The following ATPAF1 variants were observed in gnomAD, a reference collection of about 807,000 sequenced individuals.
The protein encoded by ATPAF1 is ATP synthase mitochondrial F1 complex assembly factor 1, also known as homolog of yeast ATP11.
In ATPAF1, 26 loss-of-function variants were observed where a neutral mutation model predicts 43.9. That is an observed-to-expected ratio of 0.59 (90% CI 0.43 to 0.82). The LOEUF (loss-of-function observed/expected upper bound fraction) is 0.82, where lower values mean the gene tolerates loss of function less well. Among genes scored for constraint, ATPAF1 ranks in the 40% least tolerant of loss-of-function variants. The probability of loss-of-function intolerance (pLI) is 0.00; values close to 1 mark genes in which losing one functional copy is unlikely to be tolerated. For missense variants in ATPAF1, 366 were observed against 435.0 expected, an observed-to-expected ratio of 0.84 and a Z score of 1.41; for synonymous variants, 157 against 168.0, an observed-to-expected ratio of 0.93 and a Z score of 0.50.
At chr1:46,637,124 T>C (rs1399988739) in intron 8 of ATPAF1, among the ~76,000 whole-genome samples, 2 of 152,194 alleles carry the variant, frequency 1.3e-5, no homozygotes, top group Non-Finnish European at 2.9e-5. Flanking sequence ...CATTTATAAC[T>C]AATACATCAG....
Position 46,668,167 on chromosome 1 carries a change from G to A in ATPAF1, c.156C>T (p.Gly52=), listed in dbSNP as rs1447447065. 1.4e-6 allele frequency: 2 copies of A among 1,404,110 alleles called. No homozygotes were observed. Among genetic ancestry groups the A allele is most frequent in the Non-Finnish European group, 1.9e-6 (2 of 1,079,810 alleles). 87.0% of individuals were successfully genotyped at this position (1,404,110 alleles called of 1,614,324 possible). Residue 52 remains glycine (G), a synonymous_variant, in exon 1 of 9, where the codon GGC becomes GGT. Coordinates refer to ENST00000574428, the Ensembl canonical transcript of ATPAF1. The surrounding 1 kb of genome is among the most constrained non-coding windows in gnomAD (Gnocchi z 4.4). ...CGGCGCCCCCCTCGGGCCGGCCCGA[G>A]CCGGGGCGCACTGGGAAGACGCGCA...
At chr1:46,663,192 T>C (rs1172030269) in intron 2 of ATPAF1, among the ~76,000 whole-genome samples, 1 of 152,238 alleles carries the variant, frequency 6.6e-6, no homozygotes, top group Non-Finnish European at 1.5e-5. Flanking sequence ...TTGTTGGACA[T>C]TTGGGTTGGT....
At chr1:46,652,133 C>T (rs1329043759) in intron 6 of ATPAF1, among the ~76,000 whole-genome samples, 2 of 147,666 alleles carry the variant, frequency 1.4e-5, no homozygotes, top group African/African-American at 5.0e-5. Flanking sequence ...ACACTGCACA[C>T]ATGTATTGAA....
Position 46,665,250 on chromosome 1 carries a change from T to C in ATPAF1, c.375+6A>G. On this transcript the variant is annotated splice_donor_region_variant and intron_variant, in intron 2 of 8. Transcript: ENST00000574428. ...AGCAAACACCACAAATGGGGGAAGGTCTTACCTTCTGTTCCACACATTTGA... is the reference window on the plus strand; with the variant it reads ...AGCAAACACCACAAATGGGGGAAGGCCTTACCTTCTGTTCCACACATTTGA... 1 of 1,613,734 alleles carries C rather than the reference T, an allele frequency of 6.2e-7. No homozygotes were observed. The highest frequency in any genetic ancestry group is 8.5e-7 in the Non-Finnish European group (1 of 1,179,606).
intron 6 of ATPAF1, among the ~76,000 whole-genome samples, chr1:46,650,354 T>A (rs1345070387): frequency 1.4e-5 from 2 of 145,318 alleles, no homozygotes. Flanking sequence ...TAAGACCTCA[T>A]CTCTAAATGA....
At chr1:46,652,598 C>A (rs775981236) in exon 6 of ATPAF1, 20 of 1,613,256 alleles carry the variant, frequency 1.2e-5, no homozygotes, top group Non-Finnish European at 1.7e-5. Flanking sequence ...CAGGACTGAG[C>A]CCGGTTCCAG....
intron 7 of ATPAF1, 94 bp from the exon 8 acceptor site, chr1:46,643,395 C>T: frequency 1.0e-6 from 1 of 968,968 alleles, no homozygotes; most frequent in Non-Finnish European, 1.5e-6. Flanking sequence ...AATTCTGGCT[C>T]TTAACAGCCC....
chr1:46,655,041 C>G (rs1276867432), intron 4 of ATPAF1, among the ~76,000 whole-genome samples: 1 of 152,082 alleles, frequency 6.6e-6, no homozygotes, highest in Non-Finnish European at 1.5e-5. Context: ...CAAACACATC[C>G]TTCTTCACAT....
intron 6 of ATPAF1, among the ~76,000 whole-genome samples, chr1:46,645,902 T>C (rs1342851108): frequency 6.6e-6 from 1 of 152,212 alleles, no homozygotes; most frequent in Non-Finnish European, 1.5e-5. Flanking sequence ...AGGCTGGGCA[T>C]GGTGGCTCAC....
downstream of ATPAF1, chr1:46,634,082 GTC>G: frequency 5.8e-6 from 2 of 345,070 alleles, no homozygotes; most frequent in East Asian, 1.5e-4. Flanking sequence ...AATACTATCT[GTC>G]TCTCTCAATA....
intron 8 of ATPAF1, among the ~76,000 whole-genome samples, chr1:46,636,928 G>A (rs1382685856): frequency 6.6e-6 from 1 of 152,132 alleles, no homozygotes; most frequent in Admixed American, 6.6e-5. Flanking sequence ...CCATGTGAGT[G>A]GGGCTGGATG....
intron 1 of ATPAF1, chr1:46,666,330 C>T (rs939333751): frequency 1.3e-5 from 2 of 152,916 alleles, no homozygotes; most frequent in Non-Finnish European, 2.9e-5. Context: ...CCTGCCTGGC[C>T]AGAGCTGCAA....
At chr1:46,655,982 T>G (rs1014347258) in intron 4 of ATPAF1, among the ~76,000 whole-genome samples, 1 of 152,244 alleles carries the variant, frequency 6.6e-6, no homozygotes, top group Non-Finnish European at 1.5e-5. Flanking sequence ...AGGTATCTGC[T>G]GTGTTGTCAC....
chr1:46,662,959 T>A (rs1028693372), intron 2 of ATPAF1, among the ~76,000 whole-genome samples: 1 of 151,090 alleles, frequency 6.6e-6, no homozygotes, highest in Non-Finnish European at 1.5e-5. Flanking sequence ...CAGGCCCCAG[T>A]GTGTGATGTT....
chr1:46,633,405 C>T, downstream of ATPAF1: 2 of 192,032 alleles, frequency 1.0e-5, no homozygotes, highest in Non-Finnish European at 2.1e-5. Context: ...TATTATTATC[C>T]CTATTTTAGA....
chr1:46,658,595 G>T, intron 3 of ATPAF1, 92 bp downstream of exon 3: 1 of 910,380 alleles, frequency 1.1e-6, no homozygotes, highest in Non-Finnish European at 1.7e-6. Flanking sequence ...AAATCACTGA[G>T]CCACAGTACT....
downstream of ATPAF1, chr1:46,633,375 C>T (rs1186131602): frequency 1.5e-5 from 3 of 196,404 alleles, no homozygotes; most frequent in African/African-American, 4.8e-5. Context: ...TTAATTCTCA[C>T]AATAATCCTA....
chr1:46,651,980 A>T (rs1252559188), intron 6 of ATPAF1, among the ~76,000 whole-genome samples: 1 of 152,172 alleles, frequency 6.6e-6, no homozygotes. Context: ...AACCACAATG[A>T]GATACCATCT....
At chr1:46,640,412 C>T (rs1226953728) in intron 8 of ATPAF1, among the ~76,000 whole-genome samples, 2 of 152,182 alleles carry the variant, frequency 1.3e-5, no homozygotes, top group Non-Finnish European at 2.9e-5. Flanking sequence ...GAGTTCGAGA[C>T]CAGCCTGGCC....
Sources: gnomAD v4.1 joint callset for allele counts (sites outside exome capture counted in the v4.1 genomes callset) on GRCh38, gnomAD v4.1.1 for gene constraint, Gnocchi (gnomAD v3.1) non-coding constraint, MANE v1.5 for transcripts, NCBI Gene and HGNC (gene_info 2026-07-23, HGNC 2026-07-21) for gene names.